The following PTPRQ variants were observed in gnomAD, a reference collection of about 807,000 sequenced individuals.
PTPRQ encodes the protein protein tyrosine phosphatase receptor type Q.
A neutral mutation model predicts 246.0 loss-of-function variants in PTPRQ; 199 were observed. The observed-to-expected ratio is 0.81, with a 90% CI of 0.72 to 0.91. The LOEUF is 0.91. Ranked by LOEUF, PTPRQ falls within the 40% of genes least tolerant of loss-of-function variation. The probability of loss-of-function intolerance (pLI) is 0.00; values close to 1 mark genes in which losing one functional copy is unlikely to be tolerated. For missense variants in PTPRQ, 2,624 were observed against 2,528.4 expected (o/e 1.04, Z -0.81); for synonymous variants, 869 against 853.2 (o/e 1.02, Z -0.32).
chr12:80,510,175 A>C (rs1191753274), intron 16 of PTPRQ, 148 bp from the exon 17 acceptor site: 2 of 795,080 alleles, frequency 2.5e-6, no homozygotes, highest in African/African-American at 3.6e-5. Flanking sequence ...TCATTTTGAA[A>C]GTAAACAGTC....
intron 9 of PTPRQ, among the ~76,000 whole-genome samples, chr12:80,491,456 T>C (rs1176639153): frequency 1.3e-5 from 2 of 151,974 alleles, no homozygotes; most frequent in African/African-American, 4.8e-5. Context: ...AGACAGAAGA[T>C]CTTTACTTTG....
At chr12:80,626,191 C>G (rs1316314734) in intron 33 of PTPRQ, among the ~76,000 whole-genome samples, 1 of 152,094 alleles carries the variant, frequency 6.6e-6, no homozygotes, top group Non-Finnish European at 1.5e-5. Context: ...ACCAGAGGAA[C>G]AGAGGAAGAT....
intron 17 of PTPRQ, among the ~76,000 whole-genome samples, chr12:80,514,541 G>GTATATA (rs907104034): frequency 7.3e-6 from 1 of 137,308 alleles, no homozygotes; most frequent in African/African-American, 2.7e-5. Flanking sequence ...GTTAGAAACT[G>GTATATA]TATATATATA....
At chr12:80,615,392 A>G (rs1191544130) in intron 29 of PTPRQ, among the ~76,000 whole-genome samples, 4 of 151,086 alleles carry the variant, frequency 2.6e-5, no homozygotes, top group African/African-American at 4.8e-5. Flanking sequence ...TCCAATAAAC[A>G]TTTCGTATAC....
At chr12:80,564,818 T>C (rs1309699666) in intron 25 of PTPRQ, among the ~76,000 whole-genome samples, 1 of 152,138 alleles carries the variant, frequency 6.6e-6, no homozygotes, top group African/African-American at 2.4e-5. Context: ...CAATACATCA[T>C]TGTGTTCATT....
At chr12:80,491,360 A>G (rs1261994309) in intron 9 of PTPRQ, among the ~76,000 whole-genome samples, 1 of 151,960 alleles carries the variant, frequency 6.6e-6, no homozygotes, top group East Asian at 1.9e-4. Flanking sequence ...ATTGACTGCA[A>G]CACCAGAGCT....
At chr12:80,488,644 T>C (rs1894354918) in intron 9 of PTPRQ, among the ~76,000 whole-genome samples, 1 of 152,038 alleles carries the variant, frequency 6.6e-6, no homozygotes, top group Admixed American at 6.6e-5. Context: ...CAGGGAATTG[T>C]TATTTTCATT....
intron 25 of PTPRQ, among the ~76,000 whole-genome samples, chr12:80,559,699 T>G (rs1721216020): frequency 6.6e-6 from 1 of 152,208 alleles, no homozygotes. Context: ...TCAGTGAATA[T>G]TACCTTACTT....
intron 3 of PTPRQ, among the ~76,000 whole-genome samples, chr12:80,448,352 T>G (rs1413125284): frequency 6.6e-6 from 1 of 152,054 alleles, no homozygotes; most frequent in Non-Finnish European, 1.5e-5. Flanking sequence ...GATAGTATGC[T>G]TCCTGTTTTC....
At chr12:80,606,384 G>A (rs1406170) in intron 27 of PTPRQ, among the ~76,000 whole-genome samples, 3,013 of 151,084 alleles carry the variant, frequency 0.02, 104 homozygotes, top group African/African-American at 0.068. Context: ...TAAATAAGAG[G>A]CCATTGAAGA....
chr12:80,670,452 A>T lies in PTPRQ; in HGVS notation c.6562A>T (p.Ser2188Cys). 1.3e-6 allele frequency: 2 copies of T among 1,551,284 alleles called. No individual in the cohort carries two copies. The highest frequency in any genetic ancestry group is 1.7e-6 in the Non-Finnish European group (2 of 1,146,604). The change falls in exon 42 of 45, where the codon AGC becomes TGC. Residue 2188 changes from serine (S) to cysteine (C), a missense_variant. Physicochemically the swap from Ser to Cys is moderately radical, Grantham distance 112. Transcript: ENST00000644991. Reference protein sequence around the residue: ...LIHFVKLVRASRAHDTTPMIV... With the variant: ...LIHFVKLVRACRAHDTTPMIV... ...TCACTTTGTGAAGTTGGTTCGAGCA[A>T]GCAGGGCACATGACACCACACCTAT... is the stretch of plus-strand genomic sequence containing the variant.
intron 39 of PTPRQ, among the ~76,000 whole-genome samples, chr12:80,663,051 G>T (rs543227956): frequency 6.6e-6 from 1 of 151,890 alleles, no homozygotes; most frequent in Non-Finnish European, 1.5e-5. Context: ...ATTACAGGAA[G>T]AAAACTTAAA....
Position 80,619,392 on chromosome 12 carries a change from C to T in PTPRQ, c.5239C>T (p.Arg1747Ter), listed in dbSNP as rs964714719. The T allele has an allele frequency of 1.6e-5, 25 of 1,546,608 alleles. No individual in the cohort carries two copies. Among genetic ancestry groups the T allele is most frequent in the Admixed American group, 3.9e-5 (2 of 50,714 alleles). Residue 1747 changes from arginine (R) to a stop codon, truncating the protein, a stop_gained, in exon 31 of 45, where the codon CGA becomes TGA. Transcript: ENST00000644991. LOFTEE classifies it high-confidence loss of function. ...TTCTTCTTTGTTTATAGCTCCAGCA[C>T]GACCAAAAACCAAACCAACCCCTAT... ...RITMDIKAPA[R>*]PKTKPTPIYD...
At chr12:80,572,321 A>G (rs1476603066) in intron 25 of PTPRQ, among the ~76,000 whole-genome samples, 1 of 152,094 alleles carries the variant, frequency 6.6e-6, no homozygotes, top group Non-Finnish European at 1.5e-5. Flanking sequence ...AGTTTGATGC[A>G]AAATACAGAA....
At chr12:80,479,906 T>C (rs1227817321) in intron 8 of PTPRQ, among the ~76,000 whole-genome samples, 1 of 151,220 alleles carries the variant, frequency 6.6e-6, no homozygotes, top group African/African-American at 2.4e-5. Context: ...AGACTTAGAC[T>C]CCCACACATT....
chr12:80,468,974 A>G (rs1191536151), intron 7 of PTPRQ, 136 bp downstream of exon 7: 66 of 1,237,118 alleles, frequency 5.3e-5, no homozygotes, highest in Non-Finnish European at 1.1e-6. Flanking sequence ...GGAAAGTCAT[A>G]AGGAAGGGGA....
chr12:80,554,711 C>T (rs1285970422), intron 25 of PTPRQ, among the ~76,000 whole-genome samples: 3 of 152,100 alleles, frequency 2.0e-5, no homozygotes, highest in African/African-American at 7.2e-5. Flanking sequence ...ATATGATTGA[C>T]TTGGCATGTA....
At chr12:80,633,694 A>G (rs1899528676) in intron 34 of PTPRQ, among the ~76,000 whole-genome samples, 1 of 152,248 alleles carries the variant, frequency 6.6e-6, no homozygotes, top group African/African-American at 2.4e-5. Context: ...TTTTCTCTAT[A>G]CCACATAACT....
chr12:80,546,690 A>G lies in PTPRQ; in HGVS notation c.4008A>G (p.Gln1336=), dbSNP rs1420266212. The change falls in exon 24 of 45, where the codon CAA becomes CAG. Residue 1336 remains glutamine (Q), a synonymous_variant. Coordinates refer to ENST00000644991, the MANE Select transcript of PTPRQ (RefSeq NM_001145026.2). ...GTAATGTAGTAAAATTCACAACCCAAGAATCAGGTTAGATACAGTTTTTGA... is the reference window on the plus strand; with the variant it reads ...GTAATGTAGTAAAATTCACAACCCAGGAATCAGGTTAGATACAGTTTTTGA... ...QFSNVVKFTT[Q]ESVPDVVQNM... The G allele has an allele frequency of 6.4e-7, 1 of 1,550,932 alleles. No homozygotes were observed. The highest frequency in any genetic ancestry group is 1.2e-5 in the South Asian group (1 of 83,826).
Sources: gnomAD v4.1 joint callset for allele counts (sites outside exome capture counted in the v4.1 genomes callset) on GRCh38, gnomAD v4.1.1 for gene constraint, MANE v1.5 for transcripts, NCBI Gene and HGNC (gene_info 2026-07-23, HGNC 2026-07-21) for gene names.